PRRT3: variants seen among roughly 807,000 people sequenced by gnomAD.
The protein encoded by PRRT3 is proline rich transmembrane protein 3.
PRRT3 carries 48 observed loss-of-function variants against 56.6 expected under a neutral mutation model. The ratio of observed to expected loss-of-function variants is 0.85; its 90% CI spans 0.67 to 1.08. PRRT3 has a LOEUF of 1.08. PRRT3 is among the 50% of genes least tolerant of loss of function. The pLI is 0.00. For missense variants in PRRT3, 1,370 were observed against 1,353.1 expected, an observed-to-expected ratio of 1.01 and a Z score of -0.20; for synonymous variants, 641 against 619.1, an observed-to-expected ratio of 1.04 and a Z score of -0.52.
chr3:9,947,828 GGCTGGAGGCTGGGGCTGAAGCCATGGA>G lies in PRRT3; in HGVS notation c.1318_1344del (p.Ser440_Ser448del). ...GGGGGTGCAGTGGCGTTGGCTGGGG[GGCTGGAGGCTGGGGCTGAAGCCATGGA>G]GCTGGCGGTGGGCTCCGGAGGGGGA... On this transcript the variant is annotated inframe_deletion, in exon 4 of 4. Coordinates refer to ENST00000412055, the MANE Select transcript of PRRT3 (RefSeq NM_207351.5). The surrounding 1 kb of genome is among the most constrained non-coding windows in gnomAD (Gnocchi z 9.2). The G allele has an allele frequency of 6.9e-7, 1 of 1,439,564 alleles. No individual in the cohort carries two copies. The highest frequency in any genetic ancestry group is 9.1e-7 in the Non-Finnish European group (1 of 1,095,976). 89.2% of individuals were successfully genotyped at this position (1,439,564 alleles called of 1,614,324 possible).
chr3:9,952,112 C>T (rs2085628880), intron 1 of PRRT3, among the ~76,000 whole-genome samples: 1 of 152,152 alleles, frequency 6.6e-6, no homozygotes, highest in East Asian at 1.9e-4. Flanking sequence ...CGTTGCGGGG[C>T]AGCCTCGGAG....
chr3:9,950,151 T>C lies in PRRT3; in HGVS notation c.-36A>G. On this transcript the variant is annotated 5_prime_UTR_variant, in exon 2 of 4. Transcript: ENST00000412055. ...GATGCCTGGGCCTAAAGCCCCCACC[T>C]TCCAGTCCTCACTGGATGAGCCTAA... 7.2e-7 allele frequency: 1 copy of C among 1,385,490 alleles called. No homozygotes were observed. The highest frequency in any genetic ancestry group is 2.2e-5 in the South Asian group (1 of 44,744). The allele number at this position is 1,385,490 out of a possible 1,614,324, so 85.8% of individuals were successfully genotyped here. A position where few individuals can be genotyped will look rare whatever the true frequency, so the allele number is the denominator to read the frequency against.
Position 9,947,726 on chromosome 3 carries a change from G to T in PRRT3, c.1447C>A (p.Leu483Met). Residue 483 changes from leucine (L) to methionine (M), a missense_variant, in exon 4 of 4, where the codon CTG (leucine) becomes ATG (methionine). Coordinates refer to ENST00000412055, the MANE Select transcript of PRRT3 (RefSeq NM_207351.5). This position sits in a 1 kb window ranked among gnomAD's most constrained non-coding sequence, Gnocchi z 9.2. ...LHVYGVGVLFLLPALLALAAL... is the reference protein window; with the variant it reads ...LHVYGVGVLFMLPALLALAAL... ...GCCAGCGCCAACAACGCGGGCAGCA[G>T]AAAGAGTACCCCCACCCCGTAGACG... 6.4e-7 allele frequency: 1 copy of T among 1,561,230 alleles called. No homozygotes were observed. Among genetic ancestry groups the T allele is most frequent in the Non-Finnish European group, 8.6e-7 (1 of 1,157,448 alleles).
Position 9,946,486 on chromosome 3 carries a change from G to A in PRRT3, c.2687C>T (p.Ala896Val). The A allele has an allele frequency of 1.9e-6, 3 of 1,550,992 alleles. No individual in the cohort carries two copies. Among genetic ancestry groups the A allele is most frequent in the Non-Finnish European group, 2.6e-6 (3 of 1,147,774 alleles). Residue 896 changes from alanine to valine, a missense_variant, in exon 4 of 4, where the codon GCC (alanine) becomes GTC (valine). By Grantham distance (64) the Ala-to-Val change is moderately conservative (BLOSUM62 0). Transcript: ENST00000412055. This position sits in a 1 kb window ranked among gnomAD's most constrained non-coding sequence, Gnocchi z 4.1. ...GAGGGAGCTGCCAGAAGCCGCAGCG[G>A]CTGCCCCGTCGGGTGCTTCCACTAC... The part of the protein sequence containing the change: ...QHVVEAPDGA[A>V]AAASGSSLDS...
chr3:9,947,541 G>C lies in PRRT3; in HGVS notation c.1632C>G (p.Pro544=). The change falls in exon 4 of 4, where the codon CCC becomes CCG. Residue 544 remains proline (P), a synonymous_variant. Coordinates refer to ENST00000412055, the MANE Select transcript of PRRT3 (RefSeq NM_207351.5). The surrounding 1 kb of genome is among the most constrained non-coding windows in gnomAD (Gnocchi z 9.2). The stretch of plus-strand genomic sequence containing the variant: ...CCAGCGCCGTAAGCAGCAAGGGGAA[G>C]GGCAGGTTGTAGAGCACCAGGCCCC... ...VRGGLVLYNL[P]FPLLLTALAA... is the part of the protein sequence containing the mutation. The C allele has an allele frequency of 6.2e-7, 1 of 1,611,372 alleles. No homozygotes were observed. Among genetic ancestry groups the C allele is most frequent in the South Asian group, 1.1e-5 (1 of 90,990 alleles).
chr3:9,950,142 G>A lies in PRRT3; in HGVS notation c.-27C>T, dbSNP rs768522095. The stretch of plus-strand genomic sequence containing the variant: ...GTCTACTCCGATGCCTGGGCCTAAA[G>A]CCCCCACCTTCCAGTCCTCACTGGA... On this transcript the variant is annotated 5_prime_UTR_variant, in exon 2 of 4. Coordinates refer to ENST00000412055, the MANE Select transcript of PRRT3 (RefSeq NM_207351.5). 1 of 1,399,010 alleles carries A rather than the reference G, an allele frequency of 7.1e-7. No homozygotes were observed. Among genetic ancestry groups the A allele is most frequent in the South Asian group, 2.1e-5 (1 of 47,364 alleles). The allele number at this position is 1,399,010 out of a possible 1,614,324, so 86.7% of individuals were successfully genotyped here. A position where few individuals can be genotyped will look rare whatever the true frequency, so the allele number is the denominator to read the frequency against.
chr3:9,947,483 G>A lies in PRRT3; in HGVS notation c.1690C>T (p.Leu564=). 1.2e-6 allele frequency: 2 copies of A among 1,612,332 alleles called. No homozygotes were observed. Among genetic ancestry groups the A allele is most frequent in the Non-Finnish European group, 1.7e-6 (2 of 1,179,638 alleles). ...AGTGGGTTTTGCAGCGGTGGCGGCA[G>A]CCCCGCGCCCAGGCCGAGCAGAGTC... ...ALTLLGLGAG[L]PPPLQNPLLL... is the part of the protein sequence containing the mutation. Residue 564 remains leucine (L), a synonymous_variant, in exon 4 of 4, where the codon CTG becomes TTG. Coordinates refer to ENST00000412055, the MANE Select transcript of PRRT3 (RefSeq NM_207351.5). This position sits in a 1 kb window ranked among gnomAD's most constrained non-coding sequence, Gnocchi z 9.2.
Position 9,949,353 on chromosome 3 carries a change from C to T in PRRT3, c.763G>A (p.Val255Ile). The T allele has an allele frequency of 6.2e-7, 1 of 1,614,196 alleles. No homozygotes were observed. ...QDPAAPDVGS[V>I]PPVEVVYSQE... Reference sequence around the variant, plus strand: ...GAGTACACCACCTCAACTGGGGGTACTGAGCCAACATCAGGGGCTGCTGGA... The same window carrying T: ...GAGTACACCACCTCAACTGGGGGTATTGAGCCAACATCAGGGGCTGCTGGA... The change falls in exon 2 of 4, where the codon GTA becomes ATA. Residue 255 changes from valine (V) to isoleucine (I), a missense_variant. Coordinates refer to ENST00000412055, the MANE Select transcript of PRRT3 (RefSeq NM_207351.5). The surrounding 1 kb of genome is among the most constrained non-coding windows in gnomAD (Gnocchi z 4.5).
In PRRT3 at chr3:9,946,926, G is replaced by T; in HGVS notation, c.2247C>A (p.Asp749Glu). Residue 749 changes from aspartate (D) to glutamate (E), a missense_variant, in exon 4 of 4, where the codon GAC becomes GAA. Physicochemically the swap from Asp to Glu is conservative, Grantham distance 45. Coordinates refer to ENST00000412055, the MANE Select transcript of PRRT3 (RefSeq NM_207351.5). This position sits in a 1 kb window ranked among gnomAD's most constrained non-coding sequence, Gnocchi z 4.1. ...GGTTGCGGATGAGGCTCTTGCTGAT[G>T]TCCAAGCTGCCTGCACCAACGTTGC... ...GPSNVGAGSL[D>E]ISKSLIRNPA... The T allele has an allele frequency of 6.5e-7, 1 of 1,540,704 alleles. No homozygotes were observed.
chr3:9,948,873 C>G lies in PRRT3; in HGVS notation c.1056G>C (p.Gln352His). Residue 352 changes from glutamine to histidine, a missense_variant, in exon 3 of 4, where the codon CAG (glutamine) becomes CAC (histidine). Transcript: ENST00000412055. The part of the protein sequence containing the change: ...AMNGADPISP[Q>H]RVRGAVEAPG... Reference sequence around the variant, plus strand: ...GGGCCTCCACAGCTCCTCTCACCCGCTGGGGGGAGATGGGGTCTGCTCCAT... The same window carrying G: ...GGGCCTCCACAGCTCCTCTCACCCGGTGGGGGGAGATGGGGTCTGCTCCAT... 1 of 1,605,850 alleles carries G rather than the reference C, an allele frequency of 6.2e-7. No homozygotes were observed. The highest frequency in any genetic ancestry group is 1.1e-5 in the South Asian group (1 of 90,664).
chr3:9,947,880 A>C lies in PRRT3; in HGVS notation c.1293T>G (p.Pro431=). 4.2e-6 allele frequency: 6 copies of C among 1,423,802 alleles called. No individual in the cohort carries two copies. Among genetic ancestry groups the C allele is most frequent in the Non-Finnish European group, 5.5e-6 (6 of 1,089,376 alleles). The allele number at this position is 1,423,802 out of a possible 1,614,324, so 88.2% of individuals were successfully genotyped here. A position where few individuals can be genotyped will look rare whatever the true frequency, so the allele number is the denominator to read the frequency against. The change falls in exon 4 of 4, where the codon CCT becomes CCG. Residue 431 remains proline, a synonymous_variant. Transcript: ENST00000412055. This position sits in a 1 kb window ranked among gnomAD's most constrained non-coding sequence, Gnocchi z 9.2. Reference sequence around the variant, plus strand: ...AGCTGGCGGTGGGCTCCGGAGGGGGAGGCTGGCCCAGGGCTCGCTGCGTGG... The same window carrying C: ...AGCTGGCGGTGGGCTCCGGAGGGGGCGGCTGGCCCAGGGCTCGCTGCGTGG... ...RVTTQRALGQ[P]PPPEPTASSM...
Position 9,947,307 on chromosome 3 carries a change from G to A in PRRT3, c.1866C>T (p.Arg622=), listed in dbSNP as rs938193058. Residue 622 remains arginine, a synonymous_variant, in exon 4 of 4, where the codon CGC becomes CGT. Coordinates refer to ENST00000412055, the MANE Select transcript of PRRT3 (RefSeq NM_207351.5). The surrounding 1 kb of genome is among the most constrained non-coding windows in gnomAD (Gnocchi z 9.2). ...VALGTLCLCR[R]RLLDGPRGWD... ...AGCCCCGTGGGCCGTCCAGCAGGCG[G>A]CGACGGCACAGGCAGAGCGTGCCCA... 28 of 1,588,192 alleles carry A rather than the reference G, an allele frequency of 1.8e-5. No individual in the cohort carries two copies. Among genetic ancestry groups the A allele is most frequent in the Non-Finnish European group, 2.2e-5 (26 of 1,170,726 alleles).
chr3:9,951,276 G>C (rs893175423), intron 1 of PRRT3, among the ~76,000 whole-genome samples: 1 of 152,162 alleles, frequency 6.6e-6, no homozygotes, highest in Non-Finnish European at 1.5e-5. Flanking sequence ...TGGAGGGTGC[G>C]AGAGCTGAAG....
rs377172137 is a variant in PRRT3, at chr3:9,949,904, C to T, written c.212G>A (p.Arg71Lys). ...FPENPRADSH[R>K]NSDVRHAPAE... ...AGGGGCGTGGCGGACATCAGAGTTC[C>T]TGTGACTGTCAGCTCTGGGGTTCTC... is the stretch of plus-strand genomic sequence containing the variant. Residue 71 changes from arginine (R) to lysine (K), a missense_variant, in exon 2 of 4, where the codon AGG (arginine) becomes AAG (lysine). Coordinates refer to ENST00000412055, the MANE Select transcript of PRRT3 (RefSeq NM_207351.5). This position sits in a 1 kb window ranked among gnomAD's most constrained non-coding sequence, Gnocchi z 4.5. 6.6e-5 allele frequency: 106 copies of T among 1,612,710 alleles called. 1 individual carries two copies. The highest frequency in any genetic ancestry group is 7.5e-5 in the Non-Finnish European group (89 of 1,179,268).
At chr3:9,948,728 C>T in intron 3 of PRRT3, 30 bp downstream of exon 3, 24 of 1,613,610 alleles carry the variant, frequency 1.5e-5, no homozygotes, top group Non-Finnish European at 1.9e-5. Context: ...CAGAGCACTC[C>T]CTCTCCCCAC....
chr3:9,947,354 C>T lies in PRRT3; in HGVS notation c.1819G>A (p.Ala607Thr). The T allele has an allele frequency of 1.2e-6, 2 of 1,610,656 alleles. No individual in the cohort carries two copies. The highest frequency in any genetic ancestry group is 1.7e-6 in the Non-Finnish European group (2 of 1,179,120). ...CCCAGAGCCACGGCCGCGCCCCAGG[C>T]GCACGACAAGCCCTGCGTCAGGAGG... ...LNLLTQGLSCAWGAAVALGTL... is the reference protein window; with the variant it reads ...LNLLTQGLSCTWGAAVALGTL... The change falls in exon 4 of 4, where the codon GCC becomes ACC. Residue 607 changes from alanine (A) to threonine (T), a missense_variant. Ala to Thr is a moderately conservative substitution (Grantham distance 58, BLOSUM62 0). Transcript: ENST00000412055. The surrounding 1 kb of genome is among the most constrained non-coding windows in gnomAD (Gnocchi z 9.2).
At chr3:9,951,542 C>T (rs1426725312) in intron 1 of PRRT3, among the ~76,000 whole-genome samples, 1 of 152,226 alleles carries the variant, frequency 6.6e-6, no homozygotes, top group Admixed American at 6.5e-5. Flanking sequence ...GTTCATTTCT[C>T]AAACATTCAC....
chr3:9,951,994 G>A (rs1575665077), intron 1 of PRRT3, among the ~76,000 whole-genome samples: 2 of 152,362 alleles, frequency 1.3e-5, no homozygotes, highest in African/African-American at 4.8e-5. Flanking sequence ...GGACAAGGCG[G>A]GGGCTTGCCC....
In PRRT3 at chr3:9,949,305, C is replaced by G. The variant is rs1174287090; in HGVS notation, c.811G>C (p.Asp271His). The change falls in exon 2 of 4, where the codon GAC (aspartate) becomes CAC (histidine). Residue 271 changes from aspartate to histidine, a missense_variant. Coordinates refer to ENST00000412055, the MANE Select transcript of PRRT3 (RefSeq NM_207351.5). This position sits in a 1 kb window ranked among gnomAD's most constrained non-coding sequence, Gnocchi z 4.5. ...GGAAGGCTTCTGGCCAATGCCAAGT[C>G]TGGCTGGGCCCCTGGCTCCTGAGAG... ...VYSQEPGAQPDLALARSLPPA... is the reference protein window; with the variant it reads ...VYSQEPGAQPHLALARSLPPA... 6.2e-7 allele frequency: 1 copy of G among 1,612,804 alleles called. No individual in the cohort carries two copies. Among genetic ancestry groups the G allele is most frequent in the Admixed American group, 1.7e-5 (1 of 59,958 alleles).
Sources: allele counts gnomAD v4.1 joint callset (sites outside exome capture counted in the v4.1 genomes callset), GRCh38; gene constraint gnomAD v4.1.1; non-coding constraint Gnocchi (gnomAD v3.1); transcripts MANE v1.5; gene names NCBI Gene and HGNC (gene_info 2026-07-23, HGNC 2026-07-21).